SCO1: variants seen among roughly 807,000 people sequenced by gnomAD.
SCO1 encodes the protein cytochrome c oxidase assembly factor SCO1.
Under a neutral mutation model 34.0 loss-of-function variants are expected in SCO1, and 23 were observed. The observed-to-expected ratio is 0.68, with a 90% confidence interval of 0.49 to 0.96. The LOEUF is 0.96. Among genes scored for constraint, SCO1 ranks in the 40% least tolerant of loss-of-function variants. The pLI is 0.00. For synonymous variants in SCO1, 161 were observed against 145.5 expected (o/e 1.11, Z -0.77); for missense variants, 404 against 381.6 (o/e 1.06, Z -0.49).
rs962939163 is a variant in SCO1, at chr17:10,689,019, G to C, written c.656-2177C>G. On this transcript the variant is annotated intron_variant, in intron 4 of 5. Transcript: ENST00000255390. ...TAGTCCCAGCTACTTGGGAGGCTGAGGCAGGAGAATGGCGTGAACCCGGGA... is the reference window on the plus strand; with the variant it reads ...TAGTCCCAGCTACTTGGGAGGCTGACGCAGGAGAATGGCGTGAACCCGGGA... Among the ~76,000 whole-genome samples, 25 of 147,002 alleles carry C rather than the reference G, an allele frequency of 1.7e-4. 4 individuals carry two copies. The highest frequency in any genetic ancestry group is 4.8e-4 in the African/African-American group (18 of 37,372).
At position 10,695,674 on chromosome 17, in the gene SCO1, A is replaced by T. The variant is rs775373187; in HGVS notation, c.364+67T>A. On this transcript the variant is annotated intron_variant, in intron 2 of 5. Coordinates refer to ENST00000255390, the MANE Select transcript of SCO1 (RefSeq NM_004589.4). ...TCAAAACAAAAAGCTAAAAAACAAC[A>T]AAAAAGGTGCTAGTCCATAGCCAGG... 3.0e-5 allele frequency: 36 copies of T among 1,187,940 alleles called. 1 individual carries two copies. Among genetic ancestry groups the T allele is most frequent in the South Asian group, 1.0e-4 (8 of 78,704 alleles). The allele number at this position is 1,187,940 out of a possible 1,614,324, so 73.6% of individuals were successfully genotyped here. A position where few individuals can be genotyped will look rare whatever the true frequency, so the allele number is the denominator to read the frequency against.
At position 10,674,993 on chromosome 17, in the gene SCO1, G is replaced by A. The variant is rs2074571163; in HGVS notation, c.*6126C>T. ...CTCACCACAGCAGCCAACAAGGAAT[G>A]TGCCCACTCTCCCCTTCAGTTTGCT... On this transcript the variant is annotated 3_prime_UTR_variant, in exon 6 of 6. Transcript: ENST00000255390. The A allele has an allele frequency of 6.6e-6, 1 of 152,326 alleles. No homozygotes were observed. The highest frequency in any genetic ancestry group is 1.5e-5 in the Non-Finnish European group (1 of 68,150). The allele number at this position is 152,326 out of a possible 1,614,324, so 9.4% of individuals were successfully genotyped here. A position where few individuals can be genotyped will look rare whatever the true frequency, so the allele number is the denominator to read the frequency against.
intron 2 of SCO1, among the ~76,000 whole-genome samples, chr17:10,694,912 C>T (rs1169581703): frequency 6.6e-6 from 1 of 152,056 alleles, no homozygotes; most frequent in African/African-American, 2.4e-5. Flanking sequence ...CCTATGAATT[C>T]CCAGATTTAA....
intron 1 of SCO1, among the ~76,000 whole-genome samples, chr17:10,696,224 C>G (rs917055635): frequency 8.5e-5 from 13 of 152,068 alleles, no homozygotes; most frequent in African/African-American, 2.9e-4. Flanking sequence ...GCGGGTGGAT[C>G]ACCTGAGGTC....
intron 2 of SCO1, chr17:10,695,470 T>C: frequency 2.5e-6 from 1 of 401,298 alleles, no homozygotes; most frequent in Non-Finnish European, 4.7e-6. Context: ...AAGACATTGA[T>C]AGAAAAACAA....
rs1025471971 is a variant in SCO1 at position 10,695,827 on chromosome 17, A to G, written c.278T>C (p.Val93Ala). 6.2e-7 allele frequency: 1 copy of G among 1,612,178 alleles called. No individual in the cohort carries two copies. Among genetic ancestry groups the G allele is most frequent in the Non-Finnish European group, 8.5e-7 (1 of 1,178,728 alleles). Reference protein sequence around the residue: ...DSTRPSKPGPVSWKSLAITFA... With the variant: ...DSTRPSKPGPASWKSLAITFA... ...TGTGATTGCTAAAGACTTCCAGGAA[A>G]CAGGCTACTGGGGCAGGGATTTCAA... is the stretch of plus-strand genomic sequence containing the variant. Residue 93 changes from valine to alanine, a missense_variant, in exon 2 of 6, where the codon GTT becomes GCT. By Grantham distance (64) the Val-to-Ala change is moderately conservative. Transcript: ENST00000255390.
intron 5 of SCO1, among the ~76,000 whole-genome samples, chr17:10,682,692 T>A (rs1428044892): frequency 6.6e-6 from 1 of 152,240 alleles, no homozygotes; most frequent in African/African-American, 2.4e-5. Flanking sequence ...TCCTTTGGGT[T>A]GTGACAGAGC....
At position 10,681,234 on chromosome 17, in the gene SCO1, A is replaced by C; in HGVS notation, c.791T>G (p.Met264Arg). ...EDYIVDHTII[M>R]YLIGPDGEFL... is the part of the protein sequence containing the mutation. Reference sequence around the variant, plus strand: ...CTCACCATCTGGTCCAATCAAGTACATTATTATTGTGTGATCCACCTGCAG... The same window carrying C: ...CTCACCATCTGGTCCAATCAAGTACCTTATTATTGTGTGATCCACCTGCAG... The change falls in exon 6 of 6, where the codon ATG becomes AGG. Residue 264 changes from methionine to arginine, a missense_variant. Met to Arg is a moderately conservative substitution (Grantham distance 91). Coordinates refer to ENST00000255390, the MANE Select transcript of SCO1 (RefSeq NM_004589.4). 6.2e-7 allele frequency: 1 copy of C among 1,614,128 alleles called. No individual in the cohort carries two copies. The highest frequency in any genetic ancestry group is 1.6e-4 in the Middle Eastern group (1 of 6,062).
chr17:10,680,418 A>T lies in SCO1; in HGVS notation c.*701T>A, dbSNP rs1052151203. 6.4e-6 allele frequency: 1 copy of T among 156,160 alleles called. No individual in the cohort carries two copies. The highest frequency in any genetic ancestry group is 2.4e-5 in the African/African-American group (1 of 41,484). 9.7% of individuals were successfully genotyped at this position (156,160 alleles called of 1,614,324 possible). A position where few individuals can be genotyped will look rare whatever the true frequency, so the allele number is the denominator to read the frequency against. On this transcript the variant is annotated 3_prime_UTR_variant, in exon 6 of 6. Transcript: ENST00000255390. Reference sequence around the variant, plus strand: ...AAAGGTACTCAGCATCACACTCGTGATCAATATCCTCTTATTTCCATTTGG... The same window carrying T: ...AAAGGTACTCAGCATCACACTCGTGTTCAATATCCTCTTATTTCCATTTGG...
At position 10,679,786 on chromosome 17, in the gene SCO1, T is replaced by C. The variant is rs1439802743; in HGVS notation, c.*1333A>G. ...TCATTTTAATTTCTGTATCTCTACA[T>C]AGATATATCTAGAGGGTCTCACTCT... On this transcript the variant is annotated 3_prime_UTR_variant, in exon 6 of 6. Transcript: ENST00000255390. 2.6e-5 allele frequency: 4 copies of C among 152,250 alleles called. No individual in the cohort carries two copies. Among genetic ancestry groups the C allele is most frequent in the Non-Finnish European group, 4.4e-5 (3 of 68,060 alleles). The allele number at this position is 152,250 out of a possible 1,614,324, so 9.4% of individuals were successfully genotyped here. A position where few individuals can be genotyped will look rare whatever the true frequency, so the allele number is the denominator to read the frequency against.
In SCO1 at chr17:10,692,980, TA is replaced by T. The variant is rs759288314; in HGVS notation, c.365-20del. On this transcript the variant is annotated intron_variant, in intron 2 of 5. Coordinates refer to ENST00000255390, the MANE Select transcript of SCO1 (RefSeq NM_004589.4). Reference sequence around the variant, plus strand: ...TCTAACTCTTAAGGAGACAAAAACATATCGACACCAAAAAAAAAGTCAATTT... The same window carrying T: ...TCTAACTCTTAAGGAGACAAAAACATTCGACACCAAAAAAAAAGTCAATTT... 3 of 1,611,824 alleles carry T rather than the reference TA, an allele frequency of 1.9e-6. No homozygotes were observed. Among genetic ancestry groups the T allele is most frequent in the Non-Finnish European group, 2.5e-6 (3 of 1,178,060 alleles).
intron 5 of SCO1, chr17:10,683,868 G>C (rs2074637647): frequency 1.3e-5 from 2 of 152,070 alleles, no homozygotes; most frequent in Non-Finnish European, 2.9e-5. Context: ...TGTCGTTTGG[G>C]ATTAAGAAAA....
intron 5 of SCO1, among the ~76,000 whole-genome samples, chr17:10,685,550 A>G (rs1047544145): frequency 5.3e-5 from 8 of 152,240 alleles, no homozygotes; most frequent in African/African-American, 1.9e-4. Context: ...TAAGAGCTAC[A>G]CAAGTACAAC....
intron 4 of SCO1, among the ~76,000 whole-genome samples, chr17:10,690,018 C>G (rs967143706): frequency 1.3e-5 from 2 of 152,088 alleles, no homozygotes; most frequent in African/African-American, 4.8e-5. Context: ...AAACTAGATC[C>G]CTATTTTTAT....
Position 10,678,612 on chromosome 17 carries a change from ATCT to A in SCO1, c.*2504_*2506del, listed in dbSNP as rs1395806146. ...AGATTTGGCCTTTGAGATACTTAAT[ATCT>A]CTTTTGTTAAATGAGAATAGTCTTT... On this transcript the variant is annotated 3_prime_UTR_variant, in exon 6 of 6. Transcript: ENST00000255390. 6.6e-6 allele frequency: 1 copy of A among 152,202 alleles called. No individual in the cohort carries two copies. The highest frequency in any genetic ancestry group is 1.5e-5 in the Non-Finnish European group (1 of 68,034). The allele number at this position is 152,202 out of a possible 1,614,324, so 9.4% of individuals were successfully genotyped here.
At chr17:10,689,115 CAAAA>C (rs556558488) in intron 4 of SCO1, among the ~76,000 whole-genome samples, 1 of 67,922 alleles carries the variant, frequency 1.5e-5, no homozygotes, top group Non-Finnish European at 2.5e-5. Context: ...GACTCCGTCT[CAAAA>C]AAAAAAAAAA....
chr17:10,687,541 C>G (rs75428859), intron 4 of SCO1, among the ~76,000 whole-genome samples: 9,690 of 152,192 alleles, frequency 0.064, 429 homozygotes, highest in Non-Finnish European at 0.09. Context: ...GGTACAGAAG[C>G]CAATTTTTGT....
Position 10,681,037 on chromosome 17 carries a change from GTTTATA to G in SCO1, c.*76_*81del. The G allele has an allele frequency of 6.7e-7, 1 of 1,497,920 alleles. No homozygotes were observed. Among genetic ancestry groups the G allele is most frequent in the Non-Finnish European group, 9.3e-7 (1 of 1,074,936 alleles). 92.8% of individuals were successfully genotyped at this position (1,497,920 alleles called of 1,614,324 possible). A position where few individuals can be genotyped will look rare whatever the true frequency, so the allele number is the denominator to read the frequency against. The stretch of plus-strand genomic sequence containing the variant: ...CATTCTGTAGAGTGCACGTATATAT[GTTTATA>G]TTTATATAGGCTCCTATGCGAGACA... On this transcript the variant is annotated 3_prime_UTR_variant, in exon 6 of 6. Transcript: ENST00000255390.
chr17:10,691,971 G>A lies in SCO1; in HGVS notation c.563-7C>T. ...GGCAGAGTTGTAATGCTATCTGAAA[G>A]AGAGTTCCAATTAGTCCGTATTCAC... On this transcript the variant is annotated splice_polypyrimidine_tract_variant and splice_region_variant and intron_variant, in intron 3 of 5. Transcript: ENST00000255390. The A allele has an allele frequency of 6.3e-7, 1 of 1,597,008 alleles. No homozygotes were observed.
Sources: allele counts gnomAD v4.1 joint callset (sites outside exome capture counted in the v4.1 genomes callset), GRCh38; gene constraint gnomAD v4.1.1; transcripts MANE v1.5; gene names NCBI Gene and HGNC (gene_info 2026-07-23, HGNC 2026-07-21).